PCSK6: variants seen among roughly 807,000 people sequenced by gnomAD.
PCSK6 encodes the protein proprotein convertase subtilisin/kexin type 6.
PCSK6 carries 85 observed loss-of-function variants against 123.3 expected under a neutral mutation model. The ratio of observed to expected loss-of-function variants is 0.69; its 90% confidence interval spans 0.58 to 0.83. The LOEUF (loss-of-function observed/expected upper bound fraction) is 0.83, where lower values mean the gene tolerates loss of function less well. Among genes scored for constraint, PCSK6 ranks in the 40% least tolerant of loss-of-function variants. PCSK6 has a pLI of 0.00. For synonymous variants in PCSK6, 508 were observed against 516.0 expected (o/e 0.98, Z 0.21); for missense variants, 1,191 against 1,282.3 (o/e 0.93, Z 1.09).
At position 101,432,005 on chromosome 15, in the gene PCSK6, G is replaced by A. The variant is rs2056461197; in HGVS notation, c.498C>T (p.Ser166=). 6.2e-7 allele frequency: 1 copy of A among 1,612,708 alleles called. No homozygotes were observed. Among genetic ancestry groups the A allele is most frequent in the Admixed American group, 1.7e-5 (1 of 59,916 alleles). ...TCCTACTCACCAGGTACCACATGTT[G>A]GACCAAATGGGGTCGTTGAAGTAAA... ...QALYFNDPIW[S]NMWYLHCGDK... The change falls in exon 3 of 22, where the codon TCC becomes TCT. Residue 166 remains serine (S), a synonymous_variant. Coordinates refer to ENST00000611716, the MANE Select transcript of PCSK6 (RefSeq NM_002570.5).
chr15:101,360,159 C>G (rs8035554), intron 13 of PCSK6, among the ~76,000 whole-genome samples: 5,682 of 152,262 alleles, frequency 0.037, 281 homozygotes, highest in East Asian at 0.12. Context: ...TTCATACACT[C>G]CACTGATGCT....
chr15:101,305,546 A>G lies in PCSK6; in HGVS notation c.2813-191T>C, dbSNP rs1001996948. 7.8e-6 allele frequency: 4 copies of G among 513,346 alleles called. No individual in the cohort carries two copies. Among genetic ancestry groups the G allele is most frequent in the South Asian group, 4.2e-5 (2 of 47,736 alleles). 31.8% of individuals were successfully genotyped at this position (513,346 alleles called of 1,614,324 possible). A position where few individuals can be genotyped will look rare whatever the true frequency, so the allele number is the denominator to read the frequency against. The stretch of plus-strand genomic sequence containing the variant: ...AACATGGTGAAACCCCGTCTCTACT[A>G]ATAATATAAAAATTAGCTGGGCATG... On this transcript the variant is annotated intron_variant, in intron 21 of 21. Coordinates refer to ENST00000611716, the MANE Select transcript of PCSK6 (RefSeq NM_002570.5). The surrounding 1 kb of genome is among the most constrained non-coding windows in gnomAD (Gnocchi z 4.8).
At chr15:101,419,627 G>A (rs971242676) in intron 6 of PCSK6, among the ~76,000 whole-genome samples, 24 of 150,740 alleles carry the variant, frequency 1.6e-4, no homozygotes, top group African/African-American at 5.9e-4. Context: ...TTTTTGAAAA[G>A]GAACCATAAG....
chr15:101,378,456 G>A (rs867392350), intron 11 of PCSK6, among the ~76,000 whole-genome samples: 20 of 152,174 alleles, frequency 1.3e-4, no homozygotes, highest in African/African-American at 3.6e-4. Flanking sequence ...ATTTCCTCTC[G>A]CCTCTGCATT....
intron 13 of PCSK6, among the ~76,000 whole-genome samples, chr15:101,361,164 CTTT>C (rs754933946): frequency 1.2e-5 from 1 of 80,670 alleles, no homozygotes; most frequent in Non-Finnish European, 2.8e-5. Flanking sequence ...CTTTCTCTCT[CTTT>C]TTTTTTTTTT....
intron 13 of PCSK6, among the ~76,000 whole-genome samples, chr15:101,341,871 T>C (rs1326755189): frequency 6.6e-6 from 1 of 152,074 alleles, no homozygotes; most frequent in South Asian, 2.1e-4. Flanking sequence ...ACAACACCCT[T>C]ATAATCCCAG....
chr15:101,402,817 TTGG>T (rs1357194718), intron 6 of PCSK6, among the ~76,000 whole-genome samples: 6 of 152,278 alleles, frequency 3.9e-5, no homozygotes, highest in East Asian at 1.9e-4. Flanking sequence ...TTTTACACTG[TTGG>T]TGGGACTGTA....
rs1196384576 is a variant in PCSK6 at position 101,331,943 on chromosome 15, C to T, written c.1947G>A (p.Met649Ile). Residue 649 changes from methionine to isoleucine, a missense_variant, in exon 14 of 22, where the codon ATG becomes ATA. This residue lies in a region of PCSK6 where 630 missense variants were observed against 631.4 expected (regional missense o/e 1.00). Coordinates refer to ENST00000611716, the MANE Select transcript of PCSK6 (RefSeq NM_002570.5). ...CCAGCTCTGGGGCTGAGAGCTCCAG[C>T]ATCCGCGAGCGGGACTGATGGGCAC... ...TFSAHQSRSR[M>I]LELSAPELEP... 4.3e-6 allele frequency: 7 copies of T among 1,613,892 alleles called. No homozygotes were observed. Among genetic ancestry groups the T allele is most frequent in the Non-Finnish European group, 5.9e-6 (7 of 1,179,854 alleles).
At chr15:101,338,100 T>G (rs1262946659) in intron 13 of PCSK6, among the ~76,000 whole-genome samples, 1 of 152,138 alleles carries the variant, frequency 6.6e-6, no homozygotes. Flanking sequence ...CGCCACAGTG[T>G]TTGGTGTCCC....
At chr15:101,489,171 C>A (rs1169467340) in intron 1 of PCSK6, among the ~76,000 whole-genome samples, 2 of 127,044 alleles carry the variant, frequency 1.6e-5, no homozygotes, top group Non-Finnish European at 3.4e-5. Context: ...CCCCCCACCC[C>A]GCCGAGTGTC....
At chr15:101,403,320 T>TA in intron 6 of PCSK6, among the ~76,000 whole-genome samples, 1 of 149,122 alleles carries the variant, frequency 6.7e-6, no homozygotes, top group Non-Finnish European at 1.5e-5. Flanking sequence ...TACCTAATGC[T>TA]AAATGACCAG....
intron 13 of PCSK6, among the ~76,000 whole-genome samples, chr15:101,340,196 C>A (rs1049133280): frequency 1.5e-4 from 23 of 152,100 alleles, no homozygotes; most frequent in African/African-American, 4.3e-4. Flanking sequence ...GCACCCATAA[C>A]ATGCACACCC....
At chr15:101,433,946 C>T (rs894629700) in intron 2 of PCSK6, among the ~76,000 whole-genome samples, 56 of 152,220 alleles carry the variant, frequency 3.7e-4, no homozygotes, top group African/African-American at 1.2e-3. Context: ...AGACCAGACG[C>T]CTTAGAAACA....
At chr15:101,461,357 A>C (rs1423117000) in intron 1 of PCSK6, among the ~76,000 whole-genome samples, 1 of 152,246 alleles carries the variant, frequency 6.6e-6, no homozygotes, top group Admixed American at 6.5e-5. Flanking sequence ...AAAGAAACTG[A>C]AACAGTGCTT....
intron 1 of PCSK6, among the ~76,000 whole-genome samples, chr15:101,455,314 C>T (rs2057151148): frequency 6.6e-6 from 1 of 152,232 alleles, no homozygotes; most frequent in South Asian, 2.1e-4. Context: ...CAGCCAAGCA[C>T]GGCAGTGCTG....
At chr15:101,386,947 G>A (rs1197295990) in intron 9 of PCSK6, among the ~76,000 whole-genome samples, 2 of 152,068 alleles carry the variant, frequency 1.3e-5, no homozygotes, top group African/African-American at 2.4e-5. Flanking sequence ...TCCCACCCTC[G>A]GCCCCCTCTT....
rs763870723 is a variant in PCSK6 at position 101,318,372 on chromosome 15, T to C, written c.2516A>G (p.Asp839Gly). 24 of 1,565,874 alleles carry C rather than the reference T, an allele frequency of 1.5e-5. No individual in the cohort carries two copies. In the Admixed American group the frequency reaches 4.3e-4, roughly 28 times the overall value. Residue 839 changes from aspartate (D) to glycine (G), a missense_variant, in exon 19 of 22, where the codon GAC becomes GGC. By Grantham distance (94) the Asp-to-Gly change is moderately conservative. Coordinates refer to ENST00000611716, the MANE Select transcript of PCSK6 (RefSeq NM_002570.5). ...TTCCCCACATCTGATCAGCTCTGAG[T>C]CAAAGTAGGTGCCTGGCTCACAGTC... ...IPDCEPGTYFDSELIRCGECH... is the reference protein window; with the variant it reads ...IPDCEPGTYFGSELIRCGECH...
chr15:101,401,916 C>G (rs888935565), intron 6 of PCSK6, among the ~76,000 whole-genome samples: 10 of 151,958 alleles, frequency 6.6e-5, no homozygotes, highest in African/African-American at 1.9e-4. Context: ...TTGGAAAAAA[C>G]TACTTTAAAG....
chr15:101,425,176 G>A (rs2056214846), intron 6 of PCSK6, among the ~76,000 whole-genome samples: 2 of 152,184 alleles, frequency 1.3e-5, no homozygotes, highest in South Asian at 4.1e-4. Flanking sequence ...GCTGGGGTGA[G>A]CAGGCCACAT....
Sources: gnomAD v4.1 joint callset for allele counts (sites outside exome capture counted in the v4.1 genomes callset) on GRCh38, gnomAD v4.1.1 for gene constraint, gnomAD v4.1.1 regional missense constraint, Gnocchi (gnomAD v3.1) non-coding constraint, MANE v1.5 for transcripts, NCBI Gene and HGNC (gene_info 2026-07-23, HGNC 2026-07-21) for gene names.